The following FBXL17 variants were observed in gnomAD, a reference collection of about 807,000 sequenced individuals.
FBXL17 encodes the protein F-box and leucine rich repeat protein 17.
Under a neutral mutation model 66.2 loss-of-function variants are expected in FBXL17, and 22 were observed. The ratio of observed to expected loss-of-function variants is 0.33; its 90% confidence interval spans 0.24 to 0.47. FBXL17 has a LOEUF of 0.47. Ranked by LOEUF, FBXL17 falls within the 20% of genes least tolerant of loss-of-function variation. The pLI is 1.00. For synonymous variants in FBXL17, 474 were observed against 400.5 expected, an observed-to-expected ratio of 1.18 and a Z score of -2.19; for missense variants, 878 against 948.2, an observed-to-expected ratio of 0.93 and a Z score of 0.97.
intron 7 of FBXL17, among the ~76,000 whole-genome samples, chr5:107,967,950 G>A (rs972868016): frequency 4.6e-5 from 7 of 151,902 alleles, no homozygotes; most frequent in Non-Finnish European, 1.0e-4. Context: ...TTAACAGGGT[G>A]GTATTGAAAA....
intron 7 of FBXL17, among the ~76,000 whole-genome samples, chr5:108,001,884 G>T (rs1469948112): frequency 6.6e-6 from 1 of 151,474 alleles, no homozygotes; most frequent in Non-Finnish European, 1.5e-5. Context: ...ACATCCTATT[G>T]AAATTTTTCC....
chr5:108,292,173 G>A (rs1758139909), intron 4 of FBXL17, among the ~76,000 whole-genome samples: 1 of 151,192 alleles, frequency 6.6e-6, no homozygotes, highest in Non-Finnish European at 1.5e-5. Context: ...CCAGGCTGGA[G>A]TGCAATGGCG....
rs1746954510 is a variant in FBXL17 at position 108,039,126 on chromosome 5, C to T, written c.1746-18125G>A. 3.3e-5 allele frequency among the ~76,000 whole-genome samples: 5 copies of T among 152,078 alleles called. 1 individual carries two copies. The highest frequency in any genetic ancestry group is 4.2e-4 in the South Asian group (2 of 4,804). On this transcript the variant is annotated intron_variant, in intron 6 of 8. Coordinates refer to ENST00000542267, the MANE Select transcript of FBXL17 (RefSeq NM_001163315.3). Reference sequence around the variant, plus strand: ...GGGCAGAAAAGAGGGCCTTCTACTGCGTTACAAGTTTTTGTTCTTTAATGA... The same window carrying T: ...GGGCAGAAAAGAGGGCCTTCTACTGTGTTACAAGTTTTTGTTCTTTAATGA...
chr5:108,259,059 G>GT (rs1265257552), intron 4 of FBXL17, among the ~76,000 whole-genome samples: 3 of 151,996 alleles, frequency 2.0e-5, no homozygotes, highest in African/African-American at 7.3e-5. Flanking sequence ...AAAGTGGCAG[G>GT]TTTTTTCTCC....
chr5:108,092,246 A>G (rs1360134534), intron 6 of FBXL17, among the ~76,000 whole-genome samples: 1 of 152,206 alleles, frequency 6.6e-6, no homozygotes, highest in Non-Finnish European at 1.5e-5. Flanking sequence ...GGTGGATACA[A>G]TGAGAGTAGA....
intron 6 of FBXL17, among the ~76,000 whole-genome samples, chr5:108,110,014 C>T (rs762345862): frequency 1.3e-5 from 2 of 151,872 alleles, no homozygotes; most frequent in Non-Finnish European, 2.9e-5. Flanking sequence ...AGTCACATAC[C>T]TTCATTCTCT....
chr5:108,359,938 T>C (rs1748237080), intron 3 of FBXL17, among the ~76,000 whole-genome samples: 2 of 152,166 alleles, frequency 1.3e-5, no homozygotes, highest in Non-Finnish European at 2.9e-5. Context: ...TCTCCAAGTC[T>C]TTCAATTTTT....
Position 108,001,182 on chromosome 5 carries a change from T to C in FBXL17, c.1822+19743A>G, listed in dbSNP as rs563768822. On this transcript the variant is annotated intron_variant, in intron 7 of 8. Transcript: ENST00000542267. The stretch of plus-strand genomic sequence containing the variant: ...TTGCTAGCCGTGTAATTTATATATA[T>C]ACATACATATACATATATATGTAAA... 1.2e-4 allele frequency among the ~76,000 whole-genome samples: 18 copies of C among 152,296 alleles called. No individual in the cohort carries two copies. The East Asian group carries it at 2.7e-3, about 23-fold the overall frequency.
chr5:108,091,381 A>G (rs1401644163), intron 6 of FBXL17, among the ~76,000 whole-genome samples: 3 of 152,222 alleles, frequency 2.0e-5, no homozygotes, highest in African/African-American at 7.2e-5. Flanking sequence ...TTGAACTTGC[A>G]TGACAAAATT....
intron 7 of FBXL17, among the ~76,000 whole-genome samples, chr5:108,012,051 G>T (rs1754197534): frequency 6.6e-6 from 1 of 152,134 alleles, no homozygotes; most frequent in Non-Finnish European, 1.5e-5. Context: ...CTTAAATAAA[G>T]AAATAATTCT....
chr5:108,339,195 A>T (rs1168871351), intron 4 of FBXL17, among the ~76,000 whole-genome samples: 1 of 152,218 alleles, frequency 6.6e-6, no homozygotes, highest in Non-Finnish European at 1.5e-5. Context: ...TCACTGAAAT[A>T]ACTGGGAATA....
intron 4 of FBXL17, among the ~76,000 whole-genome samples, chr5:108,245,954 T>A (rs753098168): frequency 5.3e-5 from 8 of 152,118 alleles, no homozygotes; most frequent in Non-Finnish European, 1.2e-4. Context: ...AAGTACTCAA[T>A]AAATATTTAT....
In FBXL17 at chr5:107,861,678, G is replaced by A. The variant is rs746067118; in HGVS notation, c.*42C>T. On this transcript the variant is annotated 3_prime_UTR_variant, in exon 9 of 9. Coordinates refer to ENST00000542267, the MANE Select transcript of FBXL17 (RefSeq NM_001163315.3). ...CTCCCCAAATGTACAATTCTCCTCTGCTCTGCTGAATGATCCCAGTGGACT... is the reference window on the plus strand; with the variant it reads ...CTCCCCAAATGTACAATTCTCCTCTACTCTGCTGAATGATCCCAGTGGACT... The A allele has an allele frequency of 1.3e-6, 2 of 1,502,578 alleles. No individual in the cohort carries two copies. Among genetic ancestry groups the A allele is most frequent in the Middle Eastern group, 1.8e-4 (1 of 5,616 alleles). The allele number at this position is 1,502,578 out of a possible 1,614,324, so 93.1% of individuals were successfully genotyped here. A position where few individuals can be genotyped will look rare whatever the true frequency, so the allele number is the denominator to read the frequency against.
At chr5:108,109,470 T>G (rs1330069424) in intron 6 of FBXL17, among the ~76,000 whole-genome samples, 7 of 152,164 alleles carry the variant, frequency 4.6e-5, no homozygotes, top group Middle Eastern at 3.2e-3. Flanking sequence ...CAATCACACT[T>G]CTCTGTATTG....
intron 4 of FBXL17, among the ~76,000 whole-genome samples, chr5:108,258,514 T>C (rs980937862): frequency 3.9e-5 from 6 of 152,116 alleles, no homozygotes; most frequent in African/African-American, 4.8e-5. Flanking sequence ...AGAAAAATAA[T>C]GTGAGATTCC....
chr5:108,242,349 TTTG>T (rs70996988), intron 4 of FBXL17, among the ~76,000 whole-genome samples: 17,003 of 146,776 alleles, frequency 0.12, 989 homozygotes, highest in African/African-American at 0.14. Context: ...GCCTGGCTAG[TTTG>T]TTGTTGTTGT....
At chr5:108,339,852 G>C (rs1198325262) in intron 4 of FBXL17, among the ~76,000 whole-genome samples, 1 of 152,086 alleles carries the variant, frequency 6.6e-6, no homozygotes, top group Admixed American at 6.6e-5. Flanking sequence ...GATCCCGTTT[G>C]CATTTGGCCA....
intron 4 of FBXL17, among the ~76,000 whole-genome samples, chr5:108,339,056 G>C (rs1390828916): frequency 6.6e-6 from 1 of 152,022 alleles, no homozygotes; most frequent in Non-Finnish European, 1.5e-5. Context: ...GATGGAAAAA[G>C]TGCATCCTAT....
intron 4 of FBXL17, among the ~76,000 whole-genome samples, chr5:108,324,505 G>A (rs1000424508): frequency 3.3e-5 from 5 of 151,910 alleles, no homozygotes; most frequent in African/African-American, 7.2e-5. Context: ...AAAATGGTGC[G>A]ACCACTATGT....
Sources: gnomAD v4.1 joint callset for allele counts (sites outside exome capture counted in the v4.1 genomes callset) on GRCh38, gnomAD v4.1.1 for gene constraint, MANE v1.5 for transcripts, NCBI Gene and HGNC (gene_info 2026-07-23, HGNC 2026-07-21) for gene names.